FAM135A: variants seen among roughly 807,000 people sequenced by gnomAD.
FAM135A encodes the protein family with sequence similarity 135 member A, also known as protein FAM135A.
FAM135A carries 79 observed loss-of-function variants against 146.8 expected under a neutral mutation model. The observed-to-expected ratio is 0.54, with a 90% confidence interval of 0.45 to 0.65. The LOEUF is 0.65. FAM135A is among the 30% of genes least tolerant of loss of function. The pLI is 0.00. For missense variants in FAM135A, 1,623 were observed against 1,758.2 expected (o/e 0.92, Z 1.38); for synonymous variants, 562 against 603.6 (o/e 0.93, Z 1.01).
chr6:70,521,395 C>G (rs1283313607), intron 12 of FAM135A, among the ~76,000 whole-genome samples: 1 of 152,122 alleles, frequency 6.6e-6, no homozygotes, highest in Non-Finnish European at 1.5e-5. Context: ...CTCACCTTTC[C>G]TTTAATGTTG....
intron 4 of FAM135A, among the ~76,000 whole-genome samples, chr6:70,447,865 AT>A (rs1319911849): frequency 2.6e-5 from 4 of 152,134 alleles, no homozygotes; most frequent in African/African-American, 7.2e-5. Context: ...GAAGTGGAGT[AT>A]TTCCTTTATC....
chr6:70,474,122 C>T (rs930381014), intron 5 of FAM135A, among the ~76,000 whole-genome samples: 4 of 152,158 alleles, frequency 2.6e-5, no homozygotes, highest in African/African-American at 7.2e-5. Flanking sequence ...TTCATATGGG[C>T]GTTTGGACCC....
chr6:70,482,234 A>G, intron 10 of FAM135A, 80 bp downstream of exon 10: 7 of 1,431,776 alleles, frequency 4.9e-6, no homozygotes, highest in Middle Eastern at 1.9e-4. Flanking sequence ...CAGCTTTGCC[A>G]TAGTTTTTCT....
intron 4 of FAM135A, among the ~76,000 whole-genome samples, chr6:70,445,497 C>A (rs972290568): frequency 6.6e-6 from 1 of 152,056 alleles, no homozygotes; most frequent in African/African-American, 2.4e-5. Flanking sequence ...GATTTACCCA[C>A]GTATTTATTA....
At chr6:70,475,058 C>A (rs1782363188) in intron 5 of FAM135A, among the ~76,000 whole-genome samples, 1 of 152,124 alleles carries the variant, frequency 6.6e-6, no homozygotes. Context: ...CTCCTAGCAA[C>A]CAGTACAAAG....
At chr6:70,436,120 G>C (rs1773075987) in intron 4 of FAM135A, among the ~76,000 whole-genome samples, 1 of 151,484 alleles carries the variant, frequency 6.6e-6, no homozygotes, top group Admixed American at 6.6e-5. Context: ...AGAGGCGGAG[G>C]TTGCAGTGAG....
Position 70,523,951 on chromosome 6 carries a change from A to C in FAM135A, c.1104-16A>C. On this transcript the variant is annotated splice_polypyrimidine_tract_variant and intron_variant, in intron 13 of 21. Transcript: ENST00000418814. ...ATTTTTCTAAATTACAATCTGACTG[A>C]AGAAATATTTTTCAGTGCTCAGAGT... 1.3e-6 allele frequency: 2 copies of C among 1,591,986 alleles called. No homozygotes were observed. Among genetic ancestry groups the C allele is most frequent in the Non-Finnish European group, 1.7e-6 (2 of 1,174,436 alleles).
At chr6:70,493,791 G>T (rs966694331) in intron 11 of FAM135A, among the ~76,000 whole-genome samples, 1 of 152,132 alleles carries the variant, frequency 6.6e-6, no homozygotes, top group East Asian at 1.9e-4. Flanking sequence ...GGTGGCTCAC[G>T]CCTGTAATCC....
intron 5 of FAM135A, among the ~76,000 whole-genome samples, chr6:70,463,151 T>C (rs1018649673): frequency 1.3e-5 from 2 of 152,192 alleles, no homozygotes; most frequent in African/African-American, 4.8e-5. Flanking sequence ...TTTGCTCATA[T>C]TTTGTGCATG....
At chr6:70,555,797 A>G (rs909103743) in intron 20 of FAM135A, among the ~76,000 whole-genome samples, 7 of 152,156 alleles carry the variant, frequency 4.6e-5, no homozygotes, top group Admixed American at 2.0e-4. Context: ...ATTAACTTCT[A>G]TAATAGATAC....
chr6:70,487,371 A>C (rs943491928), intron 10 of FAM135A, among the ~76,000 whole-genome samples: 2 of 152,120 alleles, frequency 1.3e-5, no homozygotes, highest in African/African-American at 4.8e-5. Context: ...GTATATTAAA[A>C]GTTTTCACTT....
At chr6:70,445,808 T>G (rs1775570119) in intron 4 of FAM135A, among the ~76,000 whole-genome samples, 1 of 152,158 alleles carries the variant, frequency 6.6e-6, no homozygotes, top group Admixed American at 6.5e-5. Context: ...AGATTTTGTT[T>G]ATGGCCAGTT....
chr6:70,429,114 AG>A (rs1770874115), intron 4 of FAM135A, among the ~76,000 whole-genome samples: 1 of 152,238 alleles, frequency 6.6e-6, no homozygotes, highest in Non-Finnish European at 1.5e-5. Context: ...AGACTTGGAT[AG>A]GCAAAGTATA....
intron 5 of FAM135A, among the ~76,000 whole-genome samples, chr6:70,469,002 C>A (rs548731544): frequency 6.6e-6 from 1 of 152,146 alleles, no homozygotes; most frequent in Non-Finnish European, 1.5e-5. Flanking sequence ...GAAAGCATTG[C>A]CTGGCTTTTC....
chr6:70,513,174 T>C (rs1311970599), intron 12 of FAM135A: 3 of 151,832 alleles, frequency 2.0e-5, no homozygotes, highest in Non-Finnish European at 4.4e-5. Flanking sequence ...AACTTTATTG[T>C]TATAATATTA....
At chr6:70,425,624 T>A (rs895454306) in intron 2 of FAM135A, among the ~76,000 whole-genome samples, 16 of 152,210 alleles carry the variant, frequency 1.1e-4, no homozygotes, top group African/African-American at 3.6e-4. Flanking sequence ...TAGATTTTTT[T>A]AAAATTTAAG....
intron 4 of FAM135A, among the ~76,000 whole-genome samples, chr6:70,442,828 T>C (rs184840148): frequency 6.6e-6 from 1 of 152,292 alleles, no homozygotes; most frequent in East Asian, 1.9e-4. Flanking sequence ...CAAATTTAAA[T>C]TTACAAAAAT....
At chr6:70,452,882 A>T (rs1312526802) in intron 5 of FAM135A, among the ~76,000 whole-genome samples, 1 of 152,224 alleles carries the variant, frequency 6.6e-6, no homozygotes, top group South Asian at 2.1e-4. Context: ...GGAACATATA[A>T]TTTGACTTAT....
intron 16 of FAM135A, among the ~76,000 whole-genome samples, chr6:70,528,702 A>ATT (rs11398068): frequency 6.7e-4 from 100 of 150,316 alleles, no homozygotes; most frequent in African/African-American, 1.9e-3. Context: ...TTAATTTGGG[A>ATT]TTTTTTTTTT....
Sources: gnomAD v4.1 joint callset for allele counts (sites outside exome capture counted in the v4.1 genomes callset) on GRCh38, gnomAD v4.1.1 for gene constraint, MANE v1.5 for transcripts, NCBI Gene and HGNC (gene_info 2026-07-23, HGNC 2026-07-21) for gene names.